The following CTNNA2 variants were observed in gnomAD, a reference collection of about 807,000 sequenced individuals.
The protein encoded by CTNNA2 is catenin alpha 2, also known as catenin alpha-2.
CTNNA2 carries 42 observed loss-of-function variants against 101.0 expected under a neutral mutation model. That is an observed-to-expected ratio of 0.42 (90% confidence interval 0.32 to 0.54). CTNNA2 has a LOEUF of 0.54. Ranked by LOEUF, CTNNA2 falls within the 20% of genes least tolerant of loss-of-function variation. The pLI is 0.14. For synonymous variants in CTNNA2, 450 were observed against 456.4 expected (o/e 0.99, Z 0.18); for missense variants, 871 against 1,223.1 (o/e 0.71, Z 4.29).
chr2:79,445,273 A>G (rs1678820457), intron 4 of CTNNA2, among the ~76,000 whole-genome samples: 1 of 152,182 alleles, frequency 6.6e-6, no homozygotes, highest in African/African-American at 2.4e-5. Flanking sequence ...CTTGCTTTTC[A>G]AAGACTGGGT....
At chr2:79,748,232 C>CAG (rs947500514) in intron 3 of CTNNA2, among the ~76,000 whole-genome samples, 1 of 152,114 alleles carries the variant, frequency 6.6e-6, no homozygotes, top group African/African-American at 2.4e-5. Context: ...CATTGATTTT[C>CAG]AGAGAGAGAG....
intron 7 of CTNNA2, among the ~76,000 whole-genome samples, chr2:80,184,366 G>T (rs1705978099): frequency 6.6e-6 from 1 of 152,086 alleles, no homozygotes; most frequent in South Asian, 2.1e-4. Flanking sequence ...CATTAAGCTT[G>T]TATTATGCAC....
chr2:79,631,152 A>G (rs1679666109), intron 1 of CTNNA2, among the ~76,000 whole-genome samples: 1 of 152,076 alleles, frequency 6.6e-6, no homozygotes, highest in African/African-American at 2.4e-5. Flanking sequence ...CAGTCATTGT[A>G]GAGGCTTTCC....
intron 2 of CTNNA2, among the ~76,000 whole-genome samples, chr2:79,681,294 G>T (rs563821287): frequency 4.5e-4 from 68 of 152,262 alleles, no homozygotes; most frequent in Non-Finnish European, 8.2e-4. Context: ...TCTTTTGAAA[G>T]ATTTTCCTAC....
intron 2 of CTNNA2, among the ~76,000 whole-genome samples, chr2:79,674,951 A>G (rs1033811237): frequency 2.5e-4 from 38 of 152,308 alleles, no homozygotes; most frequent in Middle Eastern, 3.4e-3. Context: ...CTTTTCAATA[A>G]TTTCTAGTTG....
chr2:79,989,620 A>G (rs1031338006), intron 7 of CTNNA2, among the ~76,000 whole-genome samples: 1 of 152,214 alleles, frequency 6.6e-6, no homozygotes, highest in Non-Finnish European at 1.5e-5. Flanking sequence ...TGGTCTGGGC[A>G]ACAGAGTGAG....
intron 7 of CTNNA2, among the ~76,000 whole-genome samples, chr2:80,285,805 G>A (rs939720775): frequency 6.6e-6 from 1 of 152,160 alleles, no homozygotes; most frequent in African/African-American, 2.4e-5. Context: ...TTCAGCCACT[G>A]CTATTCACAT....
rs1005893287 is a variant in CTNNA2, at chr2:80,347,187, A to T, written c.1057-46024A>T. Reference sequence around the variant, plus strand: ...TGCCCCTACTAGGCTGACACCTTCAATTGGAAATGGCCTCAAAATCATGAA... The same window carrying T: ...TGCCCCTACTAGGCTGACACCTTCATTTGGAAATGGCCTCAAAATCATGAA... On this transcript the variant is annotated intron_variant, in intron 7 of 18. Coordinates refer to ENST00000402739, the MANE Select transcript of CTNNA2 (RefSeq NM_001282597.3). Among the ~76,000 whole-genome samples the T allele has an allele frequency of 6.6e-5, 10 of 152,224 alleles. No homozygotes were observed. In the East Asian group the frequency reaches 1.9e-3, roughly 29 times the overall value.
At chr2:80,472,843 G>A (rs1212984833) in intron 9 of CTNNA2, among the ~76,000 whole-genome samples, 1 of 152,082 alleles carries the variant, frequency 6.6e-6, no homozygotes, top group Non-Finnish European at 1.5e-5. Context: ...GGTATCACTG[G>A]TTTATTATTT....
chr2:80,495,749 G>C (rs562428640), intron 9 of CTNNA2, among the ~76,000 whole-genome samples: 4 of 151,964 alleles, frequency 2.6e-5, no homozygotes, highest in Non-Finnish European at 5.9e-5. Context: ...GACCAGCCTG[G>C]CCAACATGCT....
chr2:79,299,133 A>T (rs1676048481), intron 2 of CTNNA2, among the ~76,000 whole-genome samples: 1 of 152,188 alleles, frequency 6.6e-6, no homozygotes, highest in Admixed American at 6.5e-5. Context: ...CCCCAAGTGG[A>T]TACAGCAAGT....
At chr2:79,523,596 T>C (rs1452071998) in intron 1 of CTNNA2, among the ~76,000 whole-genome samples, 3 of 152,186 alleles carry the variant, frequency 2.0e-5, no homozygotes, top group Non-Finnish European at 2.9e-5. Flanking sequence ...CATGTACTAA[T>C]GTATTTTTTA....
intron 4 of CTNNA2, among the ~76,000 whole-genome samples, chr2:79,465,062 C>A (rs1670918875): frequency 6.6e-6 from 1 of 152,148 alleles, no homozygotes; most frequent in South Asian, 2.1e-4. Flanking sequence ...CTTGCCCATG[C>A]CTATGTCCTG....
At chr2:80,209,845 A>G (rs375289874) in intron 7 of CTNNA2, among the ~76,000 whole-genome samples, 1 of 152,100 alleles carries the variant, frequency 6.6e-6, no homozygotes, top group Admixed American at 6.5e-5. Context: ...GCTAGCATAG[A>G]CCTGTAGTAT....
At chr2:79,213,599 C>G (rs1290523121) in intron 2 of CTNNA2, among the ~76,000 whole-genome samples, 2 of 152,108 alleles carry the variant, frequency 1.3e-5, no homozygotes, top group Non-Finnish European at 2.9e-5. Flanking sequence ...CATCAATAAA[C>G]TAAATGTGAT....
intron 7 of CTNNA2, among the ~76,000 whole-genome samples, chr2:79,977,258 T>A (rs1249940268): frequency 1.3e-5 from 1 of 74,416 alleles, no homozygotes; most frequent in African/African-American, 4.2e-5. Context: ...ACACACACAC[T>A]GGTTCTCACT....
chr2:80,215,407 T>C (rs1573414940), intron 7 of CTNNA2, among the ~76,000 whole-genome samples: 1 of 152,312 alleles, frequency 6.6e-6, no homozygotes, highest in African/African-American at 2.4e-5. Context: ...TTACCTTTGG[T>C]CTTTGATGAT....
At chr2:79,494,799 C>A (rs946480548) in intron 4 of CTNNA2, among the ~76,000 whole-genome samples, 11 of 151,842 alleles carry the variant, frequency 7.2e-5, no homozygotes, top group African/African-American at 1.2e-4. Context: ...CAAAAAAAAA[C>A]CAGAATTTTT....
At chr2:80,299,505 G>A (rs1676054215) in intron 7 of CTNNA2, 1 of 152,114 alleles carries the variant, frequency 6.6e-6, no homozygotes, top group African/African-American at 2.4e-5. Flanking sequence ...CACAAAGTAA[G>A]AACATAGCTT....
Sources: gnomAD v4.1 joint callset for allele counts (sites outside exome capture counted in the v4.1 genomes callset) on GRCh38, gnomAD v4.1.1 for gene constraint, MANE v1.5 for transcripts, NCBI Gene and HGNC (gene_info 2026-07-23, HGNC 2026-07-21) for gene names.